Variants in RAB5C observed in about 807,000 individuals in gnomAD.
RAB5C encodes ras-related protein Rab-5C.
Under a neutral mutation model 25.2 loss-of-function variants are expected in RAB5C, and 4 were observed. That is an observed-to-expected ratio of 0.16 (90% CI 0.08 to 0.36). RAB5C has a LOEUF of 0.36. Ranked by LOEUF, RAB5C falls within the 10% of genes least tolerant of loss-of-function variation. The pLI is 1.00. For missense variants in RAB5C, 199 were observed against 283.8 expected (o/e 0.70, Z 2.15); for synonymous variants, 100 against 106.4 (o/e 0.94, Z 0.37).
chr17:42,150,875 C>T (rs1568026403), intron 1 of RAB5C, among the ~76,000 whole-genome samples: 2 of 152,202 alleles, frequency 1.3e-5, no homozygotes, highest in African/African-American at 2.4e-5. Context: ...CCTTCAAACC[C>T]CTACCTACCC....
chr17:42,149,675 T>C (rs1051294627), intron 1 of RAB5C, among the ~76,000 whole-genome samples: 1 of 152,192 alleles, frequency 6.6e-6, no homozygotes, highest in Non-Finnish European at 1.5e-5. Context: ...AGGACTGTTT[T>C]AATATTAAAA....
rs1491406276 is a variant in RAB5C at position 42,131,454 on chromosome 17, A to AC, written c.-88-865_-88-864insG. Among the ~76,000 whole-genome samples the AC allele has an allele frequency of 6.2e-3, 944 of 151,942 alleles. 9 individuals carry two copies. Among genetic ancestry groups the AC allele is most frequent in the African/African-American group, 0.022 (892 of 41,420 alleles). On this transcript the variant is annotated intron_variant, in intron 1 of 5. Coordinates refer to ENST00000346213, the MANE Select transcript of RAB5C (RefSeq NM_004583.4). Reference sequence around the variant, plus strand: ...CACTGAAACACACACACACACACACAAAAACACATGCCAACACACACACAG... The same window carrying AC: ...CACTGAAACACACACACACACACACACAAAACACATGCCAACACACACACAG...
At chr17:42,131,659 C>T (rs2054487516) in intron 1 of RAB5C, 2 of 1,522,858 alleles carry the variant, frequency 1.3e-6, no homozygotes, top group Non-Finnish European at 1.8e-6. Flanking sequence ...AAAGAAGAGG[C>T]AGGAGGTGTG....
intron 1 of RAB5C, chr17:42,137,713 C>G (rs990205012): frequency 1.3e-5 from 2 of 152,072 alleles, no homozygotes; most frequent in African/African-American, 2.4e-5. Context: ...ATGGTGAAAC[C>G]CCGTCTCTAC....
At chr17:42,144,196 C>T (rs1018452383) in intron 1 of RAB5C, among the ~76,000 whole-genome samples, 9 of 152,152 alleles carry the variant, frequency 5.9e-5, no homozygotes, top group African/African-American at 1.9e-4. Context: ...GTGGCTCACG[C>T]CTGTAATCCC....
At chr17:42,132,802 A>G (rs1461258087) in intron 1 of RAB5C, among the ~76,000 whole-genome samples, 1 of 151,894 alleles carries the variant, frequency 6.6e-6, no homozygotes, top group African/African-American at 2.4e-5. Context: ...CCAATTGCAC[A>G]ACTATTATCT....
At chr17:42,140,501 ATATATATATATATATTTTTT>A (rs555581085) in intron 1 of RAB5C, among the ~76,000 whole-genome samples, 805 of 50,586 alleles carry the variant, frequency 0.016, 1 homozygote, top group African/African-American at 0.085. Flanking sequence ...ATATATATAT[ATATATATATATATATTTTTT>A]TTTTTTTTTT....
rs1216196513 is a variant in RAB5C at position 42,128,687 on chromosome 17, C to A, written c.280G>T (p.Ala94Ser). Reference protein sequence around the residue: ...HSLAPMYYRGAQAAIVVYDIT... With the variant: ...HSLAPMYYRGSQAAIVVYDIT... ...TCATAGACCACGATGGCAGCCTGGG[C>A]CCCCCGATAGTACATGGGGGCCAGG... The change falls in exon 3 of 6, where the codon GCC becomes TCC. Residue 94 changes from alanine to serine, a missense_variant. Coordinates refer to ENST00000346213, the MANE Select transcript of RAB5C (RefSeq NM_004583.4). 6.6e-7 allele frequency: 1 copy of A among 1,518,508 alleles called. No individual in the cohort carries two copies. The highest frequency in any genetic ancestry group is 2.4e-5 in the East Asian group (1 of 41,810). 94.1% of individuals were successfully genotyped at this position (1,518,508 alleles called of 1,614,324 possible). A position where few individuals can be genotyped will look rare whatever the true frequency, so the allele number is the denominator to read the frequency against.
intron 1 of RAB5C, among the ~76,000 whole-genome samples, chr17:42,148,822 G>T (rs2079652757): frequency 6.6e-6 from 1 of 152,142 alleles, no homozygotes; most frequent in African/African-American, 2.4e-5. Context: ...TCAAGGAGAG[G>T]CTGTATTGAA....
chr17:42,129,019 G>T (rs1195696002), intron 2 of RAB5C, among the ~76,000 whole-genome samples: 1 of 152,098 alleles, frequency 6.6e-6, no homozygotes, highest in Non-Finnish European at 1.5e-5. Flanking sequence ...TGCAGACCCA[G>T]CCCAGGCAAC....
intron 1 of RAB5C, among the ~76,000 whole-genome samples, chr17:42,142,164 TAA>T (rs34759135): frequency 0.37 from 50,643 of 135,930 alleles, 11,816 homozygotes; most frequent in African/African-American, 0.68. Flanking sequence ...CATAACCTCT[TAA>T]AAAAAAAAAA....
intron 1 of RAB5C, among the ~76,000 whole-genome samples, chr17:42,143,099 C>T (rs1381791268): frequency 6.6e-6 from 1 of 152,152 alleles, no homozygotes; most frequent in Admixed American, 6.5e-5. Context: ...GTGAGTAGAA[C>T]AACAGCCAGC....
intron 1 of RAB5C, among the ~76,000 whole-genome samples, chr17:42,140,970 G>A (rs1399638606): frequency 6.6e-6 from 1 of 151,740 alleles, no homozygotes; most frequent in South Asian, 2.1e-4. Flanking sequence ...CTGGGACTAC[G>A]GGCGCATGCC....
intron 1 of RAB5C, among the ~76,000 whole-genome samples, chr17:42,135,517 G>A (rs2054527932): frequency 6.6e-6 from 1 of 152,128 alleles, no homozygotes; most frequent in African/African-American, 2.4e-5. Flanking sequence ...GCAGTTGATC[G>A]AAGCACAAGA....
At chr17:42,130,045 G>A in intron 2 of RAB5C, 1 of 343,632 alleles carries the variant, frequency 2.9e-6, no homozygotes, top group Non-Finnish European at 5.3e-6. Context: ...CCCTCCATGA[G>A]GCCAGGGCAG....
At chr17:42,136,037 C>T (rs542316340) in intron 1 of RAB5C, among the ~76,000 whole-genome samples, 9 of 152,134 alleles carry the variant, frequency 5.9e-5, no homozygotes, top group East Asian at 1.9e-4. Context: ...CATTTTACCC[C>T]GGAAAAGGGC....
At chr17:42,148,777 CA>C (rs1235953714) in intron 1 of RAB5C, among the ~76,000 whole-genome samples, 2 of 152,168 alleles carry the variant, frequency 1.3e-5, no homozygotes, top group African/African-American at 2.4e-5. Context: ...GCCTTCTAGG[CA>C]AAGTGAACAG....
In RAB5C at chr17:42,132,701, TTTC is replaced by T. The variant is rs1462607242; in HGVS notation, c.-88-2114_-88-2112del. Among the ~76,000 whole-genome samples the T allele has an allele frequency of 6.6e-5, 10 of 151,232 alleles. No individual in the cohort carries two copies. The South Asian group carries it at 1.3e-3, about 19-fold the overall frequency. On this transcript the variant is annotated intron_variant, in intron 1 of 5. Coordinates refer to ENST00000346213, the MANE Select transcript of RAB5C (RefSeq NM_004583.4). ...AATTAAAATTTTCTTTCTTTCTTTC[TTTC>T]TTTTTTTTTTGCAGAGATGGAGTCT...
Position 42,147,140 on chromosome 17 carries a change from AAGAAAGAGAG to A in RAB5C, c.-89+7743_-89+7752del, listed in dbSNP as rs1235847252. Among the ~76,000 whole-genome samples the A allele has an allele frequency of 7.0e-3, 1,037 of 149,012 alleles. 10 individuals carry two copies. The highest frequency in any genetic ancestry group is 0.025 in the African/African-American group (994 of 39,812). On this transcript the variant is annotated intron_variant, in intron 1 of 5. Coordinates refer to ENST00000346213, the MANE Select transcript of RAB5C (RefSeq NM_004583.4). Reference sequence around the variant, plus strand: ...AGAAAGAAACAGAAAGAAAGAAAGAAAGAAAGAGAGAGAGAGAGAGAGAGAGAGAGAAAGA... The same window carrying A: ...AGAAAGAAACAGAAAGAAAGAAAGAAAGAGAGAGAGAGAGAGAGAGAAAGA...
Sources: allele counts gnomAD v4.1 joint callset (sites outside exome capture counted in the v4.1 genomes callset), GRCh38; gene constraint gnomAD v4.1.1; transcripts MANE v1.5; gene names NCBI Gene and HGNC (gene_info 2026-07-23, HGNC 2026-07-21).